Variants in SIPA1L1 observed in about 807,000 individuals in gnomAD.
The protein encoded by SIPA1L1 is signal-induced proliferation-associated 1-like protein 1.
In SIPA1L1, 26 loss-of-function variants were observed where a neutral mutation model predicts 162.7. That is an observed-to-expected ratio of 0.16 (90% CI 0.12 to 0.22). The LOEUF (loss-of-function observed/expected upper bound fraction) is 0.22. Ranked by LOEUF, SIPA1L1 falls within the 10% of genes least tolerant of loss-of-function variation. The pLI is 1.00. For synonymous variants in SIPA1L1, 829 were observed against 837.4 expected, an observed-to-expected ratio of 0.99 and a Z score of 0.17; for missense variants, 1,874 against 2,241.0, an observed-to-expected ratio of 0.84 and a Z score of 3.31.
At chr14:71,331,864 CAAAA>C (rs1278851311) in intron 2 of SIPA1L1, among the ~76,000 whole-genome samples, 2 of 151,734 alleles carry the variant, frequency 1.3e-5, no homozygotes, top group Non-Finnish European at 2.9e-5. Context: ...AAAACAAAAA[CAAAA>C]AAACAGAAAA....
intron 2 of SIPA1L1, among the ~76,000 whole-genome samples, chr14:71,441,679 G>A (rs968408964): frequency 2.0e-5 from 3 of 152,090 alleles, no homozygotes; most frequent in African/African-American, 4.8e-5. Context: ...GATAAATCTC[G>A]GGTAATTGTT....
chr14:71,403,844 C>T (rs2041852636), intron 2 of SIPA1L1, among the ~76,000 whole-genome samples: 2 of 152,032 alleles, frequency 1.3e-5, no homozygotes, highest in African/African-American at 4.8e-5. Flanking sequence ...GTTGCCAGTC[C>T]CAGTCTTCTG....
chr14:71,660,044 T>C (rs1275920702), intron 9 of SIPA1L1, among the ~76,000 whole-genome samples: 1 of 152,180 alleles, frequency 6.6e-6, no homozygotes, highest in Non-Finnish European at 1.5e-5. Context: ...AAAATGGATT[T>C]GTTTCTATTT....
chr14:71,354,790 T>C (rs1187916895), intron 2 of SIPA1L1, among the ~76,000 whole-genome samples: 1 of 152,226 alleles, frequency 6.6e-6, no homozygotes, highest in African/African-American at 2.4e-5. Flanking sequence ...GGGAAGAATA[T>C]AGTTTATGTT....
At position 71,637,047 on chromosome 14, in the gene SIPA1L1, T is replaced by C. The variant is rs568884220; in HGVS notation, c.1818+12811T>C. Among the ~76,000 whole-genome samples, 3 of 141,684 alleles carry C rather than the reference T, an allele frequency of 2.1e-5. No individual in the cohort carries two copies. The South Asian group carries it at 7.1e-4, about 33-fold the overall frequency. 93.0% of individuals were successfully genotyped at this position (141,684 alleles called of 152,430 possible). On this transcript the variant is annotated intron_variant, in intron 7 of 23. Coordinates refer to ENST00000381232, the MANE Select transcript of SIPA1L1 (RefSeq NM_001386936.1). ...GCCTGAGTGACAGAATGAGACTCCA[T>C]CTTTAAAAAAAAAAAAAAAACAGCT...
intron 4 of SIPA1L1, among the ~76,000 whole-genome samples, chr14:71,540,301 C>G (rs2054265853): frequency 6.6e-6 from 1 of 152,304 alleles, no homozygotes; most frequent in South Asian, 2.1e-4. Flanking sequence ...TCCATTCCTT[C>G]ATTTCCAGTG....
At chr14:71,582,946 G>A (rs2034137531) in intron 4 of SIPA1L1, among the ~76,000 whole-genome samples, 1 of 152,164 alleles carries the variant, frequency 6.6e-6, no homozygotes, top group Non-Finnish European at 1.5e-5. Context: ...TGTCTGAGAT[G>A]CAACTTTTAT....
intron 2 of SIPA1L1, among the ~76,000 whole-genome samples, chr14:71,445,099 A>G (rs190185081): frequency 1.9e-4 from 29 of 152,354 alleles, no homozygotes; most frequent in Admixed American, 7.8e-4. Context: ...TGAAATAATT[A>G]TAGTTAGTGG....
intron 5 of SIPA1L1, among the ~76,000 whole-genome samples, chr14:71,598,032 C>A (rs910644539): frequency 1.1e-4 from 17 of 152,252 alleles, no homozygotes; most frequent in Admixed American, 1.1e-3. Flanking sequence ...TTCATAGCAT[C>A]AGGAAGAAAA....
chr14:71,493,120 T>C lies in SIPA1L1; in HGVS notation c.-464-19623T>C, dbSNP rs60615402. On this transcript the variant is annotated intron_variant, in intron 2 of 23. Coordinates refer to ENST00000381232, the MANE Select transcript of SIPA1L1 (RefSeq NM_001386936.1). ...TTTTTTTAGAGACAGGGTCTTGCTC[T>C]GTCACCCAGGCTGGAGTGCAGTGGT... is the stretch of plus-strand genomic sequence containing the variant. Among the ~76,000 whole-genome samples the C allele has an allele frequency of 6.1e-3, 930 of 152,252 alleles. 10 individuals carry two copies. Among genetic ancestry groups the C allele is most frequent in the African/African-American group, 0.022 (898 of 41,548 alleles).
chr14:71,352,737 G>A (rs1227957313), intron 2 of SIPA1L1, among the ~76,000 whole-genome samples: 1 of 152,176 alleles, frequency 6.6e-6, no homozygotes, highest in African/African-American at 2.4e-5. Flanking sequence ...GAATTGCCAG[G>A]TTATAGGATA....
At chr14:71,666,810 A>C (rs2044046496) in intron 10 of SIPA1L1, among the ~76,000 whole-genome samples, 1 of 151,038 alleles carries the variant, frequency 6.6e-6, no homozygotes, top group Non-Finnish European at 1.5e-5. Flanking sequence ...TAGCATAGGC[A>C]GGGAGGAAGC....
At chr14:71,385,158 C>T (rs889280808) in intron 2 of SIPA1L1, among the ~76,000 whole-genome samples, 4 of 152,194 alleles carry the variant, frequency 2.6e-5, no homozygotes, top group Admixed American at 6.5e-5. Flanking sequence ...AGATTAAAAG[C>T]TTTCTCCCTC....
At chr14:71,502,255 A>AAAAAAATATATATATATATAT (rs67020418) in intron 2 of SIPA1L1, among the ~76,000 whole-genome samples, 1 of 97,558 alleles carries the variant, frequency 1.0e-5, no homozygotes, top group African/African-American at 4.5e-5. Flanking sequence ...AAAAAAAAAA[A>AAAAAAATATATATATATATAT]ATATATATAT....
At chr14:71,714,260 A>G (rs1442737327) in intron 17 of SIPA1L1, among the ~76,000 whole-genome samples, 5 of 152,212 alleles carry the variant, frequency 3.3e-5, no homozygotes, top group Admixed American at 3.3e-4. Context: ...CAAAGACTGA[A>G]AAATAGAACC....
At chr14:71,469,121 C>T (rs945955047) in intron 2 of SIPA1L1, among the ~76,000 whole-genome samples, 7 of 151,808 alleles carry the variant, frequency 4.6e-5, no homozygotes, top group Non-Finnish European at 8.8e-5. Flanking sequence ...CTTACCAATC[C>T]GCAGAGTCCA....
intron 2 of SIPA1L1, among the ~76,000 whole-genome samples, chr14:71,430,675 T>G (rs2043921341): frequency 6.6e-6 from 1 of 152,222 alleles, no homozygotes; most frequent in Non-Finnish European, 1.5e-5. Context: ...CTCTCCCTTT[T>G]GTTTGTGCTT....
intron 16 of SIPA1L1, among the ~76,000 whole-genome samples, chr14:71,706,114 T>G (rs529802895): frequency 1.8e-4 from 28 of 152,262 alleles, no homozygotes; most frequent in South Asian, 1.5e-3. Context: ...GAGATGCATG[T>G]AAGTTTTGCT....
rs577341904 is a variant in SIPA1L1, at chr14:71,592,655, A to G, written c.1498+3285A>G. Among the ~76,000 whole-genome samples, 26 of 152,298 alleles carry G rather than the reference A, an allele frequency of 1.7e-4. No homozygotes were observed. In the South Asian group the frequency reaches 4.6e-3, roughly 27 times the overall value. On this transcript the variant is annotated intron_variant, in intron 5 of 23. Coordinates refer to ENST00000381232, the MANE Select transcript of SIPA1L1 (RefSeq NM_001386936.1). Reference sequence around the variant, plus strand: ...GGTGGGGAGGGGGTGGAGGGGGAGTACTTTACTAAAGTATGCTATACAGCT... The same window carrying G: ...GGTGGGGAGGGGGTGGAGGGGGAGTGCTTTACTAAAGTATGCTATACAGCT...
Sources: allele counts gnomAD v4.1 joint callset (sites outside exome capture counted in the v4.1 genomes callset), GRCh38; gene constraint gnomAD v4.1.1; transcripts MANE v1.5; gene names NCBI Gene and HGNC (gene_info 2026-07-23, HGNC 2026-07-21).